Variants in THSD4 observed in about 807,000 individuals in gnomAD.
THSD4 encodes thrombospondin type-1 domain-containing protein 4.
THSD4 carries 69 observed loss-of-function variants against 119.0 expected under a neutral mutation model. That is an observed-to-expected ratio of 0.58 (90% CI 0.48 to 0.71). The LOEUF (loss-of-function observed/expected upper bound fraction) is 0.71. Ranked by LOEUF, THSD4 falls within the 30% of genes least tolerant of loss-of-function variation. The probability of loss-of-function intolerance (pLI) is 0.00; values close to 1 mark genes in which losing one functional copy is unlikely to be tolerated. For synonymous variants in THSD4, 524 were observed against 540.4 expected, an observed-to-expected ratio of 0.97 and a Z score of 0.42; for missense variants, 1,393 against 1,391.1, an observed-to-expected ratio of 1.00 and a Z score of -0.02.
intron 1 of THSD4, among the ~76,000 whole-genome samples, chr15:71,135,963 C>T (rs1439386148): frequency 6.8e-6 from 1 of 147,120 alleles, no homozygotes; most frequent in Non-Finnish European, 1.5e-5. Context: ...CCCAAACACA[C>T]AAGTCCTTTG....
At chr15:71,703,486 C>A (rs1315302695) in intron 8 of THSD4, among the ~76,000 whole-genome samples, 1 of 152,134 alleles carries the variant, frequency 6.6e-6, no homozygotes, top group East Asian at 1.9e-4. Context: ...TCAATCATTC[C>A]TGGTTAGTGG....
chr15:71,775,327 GTA>G, intron 17 of THSD4, among the ~76,000 whole-genome samples: 1 of 152,184 alleles, frequency 6.6e-6, no homozygotes. Context: ...CAGCTGAGAA[GTA>G]TATTGTCAGT....
chr15:71,394,077 TA>T (rs1310012900), intron 6 of THSD4, among the ~76,000 whole-genome samples: 2 of 74,936 alleles, frequency 2.7e-5, no homozygotes, highest in African/African-American at 4.2e-5. Flanking sequence ...AGATACACAA[TA>T]TTTTTTTTTT....
chr15:71,460,821 C>T (rs974661386), intron 7 of THSD4, among the ~76,000 whole-genome samples: 22 of 152,130 alleles, frequency 1.4e-4, no homozygotes, highest in African/African-American at 5.1e-4. Flanking sequence ...AAAGACAAAA[C>T]TTGTATCTTC....
At chr15:71,275,169 TCA>T (rs2044575873) in intron 6 of THSD4, among the ~76,000 whole-genome samples, 1 of 151,526 alleles carries the variant, frequency 6.6e-6, no homozygotes, top group Non-Finnish European at 1.5e-5. Context: ...AGAATCAGAG[TCA>T]CCGAGAAGTT....
chr15:71,137,329 A>G (rs1296365650), intron 1 of THSD4, among the ~76,000 whole-genome samples: 1 of 152,022 alleles, frequency 6.6e-6, no homozygotes, highest in Non-Finnish European at 1.5e-5. Context: ...CATCTTGTCA[A>G]CATTGGCCTG....
At chr15:71,108,992 A>C (rs2040285737) in intron 1 of THSD4, among the ~76,000 whole-genome samples, 2 of 151,912 alleles carry the variant, frequency 1.3e-5, no homozygotes, top group Non-Finnish European at 2.9e-5. Context: ...ACTCCGTCTC[A>C]AACAAACAAA....
intron 6 of THSD4, among the ~76,000 whole-genome samples, chr15:71,288,428 C>T (rs1318206200): frequency 6.6e-6 from 1 of 152,192 alleles, no homozygotes; most frequent in Non-Finnish European, 1.5e-5. Flanking sequence ...CTGATTAACT[C>T]TCTCATTGTA....
intron 8 of THSD4, among the ~76,000 whole-genome samples, chr15:71,703,910 C>T (rs943520854): frequency 6.6e-6 from 1 of 152,148 alleles, no homozygotes; most frequent in Non-Finnish European, 1.5e-5. Context: ...AGTGCAGTGG[C>T]GCGATCTCTG....
intron 7 of THSD4, among the ~76,000 whole-genome samples, chr15:71,642,945 T>TATA (rs886583362): frequency 6.6e-6 from 1 of 151,942 alleles, no homozygotes. Context: ...AAACTTAAAG[T>TATA]ATAATAATAA....
At chr15:71,440,310 G>A (rs1362735558) in intron 7 of THSD4, among the ~76,000 whole-genome samples, 4 of 152,136 alleles carry the variant, frequency 2.6e-5, no homozygotes, top group African/African-American at 9.7e-5. Flanking sequence ...ACTTCTTGTG[G>A]ATGAAGGATT....
At chr15:71,434,738 A>G (rs995028353) in intron 7 of THSD4, among the ~76,000 whole-genome samples, 2 of 152,176 alleles carry the variant, frequency 1.3e-5, no homozygotes, top group Non-Finnish European at 2.9e-5. Flanking sequence ...TCTGAATGTC[A>G]GCTTTTAATG....
intron 6 of THSD4, among the ~76,000 whole-genome samples, chr15:71,324,190 CT>C (rs541872845): frequency 6.5e-3 from 935 of 143,800 alleles, no homozygotes; most frequent in Non-Finnish European, 5.5e-3. Context: ...TTTTTGTGTT[CT>C]TTTTTTTTTT....
chr15:71,775,016 C>T (rs903058098), intron 17 of THSD4, among the ~76,000 whole-genome samples: 17 of 151,922 alleles, frequency 1.1e-4, no homozygotes, highest in African/African-American at 3.9e-4. Context: ...CATGGTGGCA[C>T]GTGCATGTAG....
At chr15:71,694,705 T>G (rs1390764635) in intron 8 of THSD4, among the ~76,000 whole-genome samples, 1 of 152,150 alleles carries the variant, frequency 6.6e-6, no homozygotes, top group Admixed American at 6.5e-5. Context: ...TACCAGGAAC[T>G]GAACTGAAAT....
At chr15:71,434,434 CTTT>C (rs34097873) in intron 7 of THSD4, among the ~76,000 whole-genome samples, 20,927 of 82,482 alleles carry the variant, frequency 0.25, 2,668 homozygotes, top group East Asian at 0.37. Context: ...TCAGTGGTCC[CTTT>C]TTTTTTTTTT....
chr15:71,497,037 C>T (rs1380817358), intron 7 of THSD4, among the ~76,000 whole-genome samples: 1 of 152,198 alleles, frequency 6.6e-6, no homozygotes, highest in Non-Finnish European at 1.5e-5. Flanking sequence ...AAATGGAACA[C>T]CAGCACTGCC....
intron 7 of THSD4, among the ~76,000 whole-genome samples, chr15:71,531,820 A>G (rs901762866): frequency 2.6e-5 from 4 of 152,138 alleles, no homozygotes; most frequent in Admixed American, 2.0e-4. Context: ...TCCAGCTGCC[A>G]AATAAGAGAA....
chr15:71,307,632 G>A (rs998811027), intron 6 of THSD4, among the ~76,000 whole-genome samples: 11 of 152,094 alleles, frequency 7.2e-5, no homozygotes, highest in African/African-American at 2.7e-4. Flanking sequence ...AGCCAGGCAT[G>A]GTGGGGGGCA....
Sources: gnomAD v4.1 joint callset for allele counts (sites outside exome capture counted in the v4.1 genomes callset) on GRCh38, gnomAD v4.1.1 for gene constraint, MANE v1.5 for transcripts, NCBI Gene and HGNC (gene_info 2026-07-23, HGNC 2026-07-21) for gene names.